The following TSPAN1 variants were observed in gnomAD, a reference collection of about 807,000 sequenced individuals.
TSPAN1 encodes tetraspanin-1.
Under a neutral mutation model 26.9 loss-of-function variants are expected in TSPAN1, and 23 were observed. The ratio of observed to expected loss-of-function variants is 0.85; its 90% confidence interval spans 0.62 to 1.21. TSPAN1 has a LOEUF of 1.21. Ranked by LOEUF, TSPAN1 falls within the 50% of genes most tolerant of loss-of-function variation. TSPAN1 has a pLI of 0.00. For synonymous variants in TSPAN1, 115 were observed against 114.8 expected, an observed-to-expected ratio of 1.00 and a Z score of -0.01; for missense variants, 283 against 298.4, an observed-to-expected ratio of 0.95 and a Z score of 0.38.
In TSPAN1 at chr1:46,184,579, CT is replaced by C; in HGVS notation, c.265-14del. 6.2e-7 allele frequency: 1 copy of C among 1,614,060 alleles called. No individual in the cohort carries two copies. Among genetic ancestry groups the C allele is most frequent in the Non-Finnish European group, 8.5e-7 (1 of 1,179,992 alleles). On this transcript the variant is annotated splice_polypyrimidine_tract_variant and intron_variant, in intron 4 of 8. Transcript: ENST00000372003. The stretch of plus-strand genomic sequence containing the variant: ...CTGTCTCTCCCTAAAACCCAGACCC[CT>C]GTTCCCCACTCAGTTCTTCTTCATC...
At chr1:46,181,362 C>T (rs542318726) in intron 3 of TSPAN1, among the ~76,000 whole-genome samples, 198 bp downstream of exon 3, 81 of 152,208 alleles carry the variant, frequency 5.3e-4, no homozygotes, top group African/African-American at 1.6e-3. Flanking sequence ...CATACAGGTG[C>T]GTGTGTGAAA....
intron 1 of TSPAN1, among the ~76,000 whole-genome samples, chr1:46,175,999 A>G (rs1245197470): frequency 1.3e-5 from 2 of 152,032 alleles, no homozygotes; most frequent in East Asian, 3.9e-4. Context: ...CAGCCTCCCA[A>G]GTAGCTGGGA....
At chr1:46,190,573 G>A, downstream of TSPAN1, 2 of 1,541,770 alleles carry the variant, frequency 1.3e-6, no homozygotes, top group South Asian at 1.1e-5. Context: ...GGTCCCATGG[G>A]TAGCACTGAG....
intron 1 of TSPAN1, among the ~76,000 whole-genome samples, chr1:46,179,232 G>C (rs1260593940): frequency 6.6e-6 from 1 of 151,148 alleles, no homozygotes; most frequent in East Asian, 1.9e-4. Flanking sequence ...AGGATCATTT[G>C]AGCTCAGGAG....
intron 1 of TSPAN1, among the ~76,000 whole-genome samples, chr1:46,179,091 C>A (rs1468309071): frequency 6.6e-6 from 1 of 151,880 alleles, no homozygotes; most frequent in East Asian, 1.9e-4. Flanking sequence ...CTTTGGGAGG[C>A]TGAGGCAGAG....
chr1:46,192,595 G>C, the TSPAN1 span: 1 of 1,613,918 alleles, frequency 6.2e-7, no homozygotes. Context: ...AGGAAACTGA[G>C]AGAGGCAGGG....
At position 46,175,586 on chromosome 1, in the gene TSPAN1, C is replaced by G. The variant is rs1208746506; in HGVS notation, c.-142+177C>G. On this transcript the variant is annotated intron_variant, in intron 1 of 8. Coordinates refer to ENST00000372003, the MANE Select transcript of TSPAN1 (RefSeq NM_005727.4). Reference sequence around the variant, plus strand: ...CTTCTGGGCTAGCTTCTGGGCACTTCTAGAGGATCAGAAAAATCCCAGGTT... The same window carrying G: ...CTTCTGGGCTAGCTTCTGGGCACTTGTAGAGGATCAGAAAAATCCCAGGTT... 5 of 399,130 alleles carry G rather than the reference C, an allele frequency of 1.3e-5. No individual in the cohort carries two copies. The East Asian group carries it at 1.8e-4, about 14-fold the overall frequency. The allele number at this position is 399,130 out of a possible 1,614,324, so 24.7% of individuals were successfully genotyped here.
chr1:46,178,730 G>C (rs191368499), intron 1 of TSPAN1, among the ~76,000 whole-genome samples: 18 of 152,234 alleles, frequency 1.2e-4, no homozygotes, highest in African/African-American at 3.6e-4. Flanking sequence ...CAGTCTGCTT[G>C]GTGGTTAAGA....
chr1:46,184,236 G>A lies in TSPAN1; in HGVS notation c.103G>A (p.Asp35Asn), dbSNP rs779001991. Residue 35 changes from aspartate (D) to asparagine (N), a missense_variant, in exon 4 of 9, where the codon GAT becomes AAT. Coordinates refer to ENST00000372003, the MANE Select transcript of TSPAN1 (RefSeq NM_005727.4). The stretch of plus-strand genomic sequence containing the variant: ...GGCAGTGGGCATCTGGGTGTCAATC[G>A]ATGGGGCATCCTTTCTGAAGATCTT... ...LLAVGIWVSI[D>N]GASFLKIFGP... 16 of 1,614,058 alleles carry A rather than the reference G, an allele frequency of 9.9e-6. No individual in the cohort carries two copies. Among genetic ancestry groups the A allele is most frequent in the Non-Finnish European group, 1.2e-5 (14 of 1,180,050 alleles).
chr1:46,184,680 G>C lies in TSPAN1; in HGVS notation c.339+12G>C, dbSNP rs761539230. The C allele has an allele frequency of 2.5e-6, 4 of 1,614,048 alleles. No homozygotes were observed. In the South Asian group the frequency reaches 4.4e-5, roughly 18 times the overall value. On this transcript the variant is annotated intron_variant, in intron 5 of 8. Coordinates refer to ENST00000372003, the MANE Select transcript of TSPAN1 (RefSeq NM_005727.4). ...TGTACACCACAATGGTGAGACACTGGGATGGAGGAAGGGAAGAAGATTGGG... is the reference window on the plus strand; with the variant it reads ...TGTACACCACAATGGTGAGACACTGCGATGGAGGAAGGGAAGAAGATTGGG...
At chr1:46,188,605 ACCAT>A, downstream of TSPAN1, 1 of 1,484,268 alleles carries the variant, frequency 6.7e-7, no homozygotes, top group South Asian at 1.4e-5. Flanking sequence ...AGGAAAACTC[ACCAT>A]CCAACACAAG....
chr1:46,182,641 C>T (rs534399433), intron 3 of TSPAN1, among the ~76,000 whole-genome samples: 5 of 152,060 alleles, frequency 3.3e-5, no homozygotes, highest in African/African-American at 9.7e-5. Context: ...ACCCAGGAGG[C>T]GGAGGTTGCA....
At chr1:46,195,816 C>T in the TSPAN1 span, 2 of 1,592,174 alleles carry the variant, frequency 1.3e-6, no homozygotes, top group Non-Finnish European at 1.7e-6. Flanking sequence ...CTGACCTTGA[C>T]AGTGCAGATG....
chr1:46,189,707 T>C, downstream of TSPAN1: 1 of 1,549,782 alleles, frequency 6.5e-7, no homozygotes. Context: ...GAATATGAAT[T>C]TGGACAAGGA....
chr1:46,177,350 TA>T (rs1557663280), intron 1 of TSPAN1, among the ~76,000 whole-genome samples: 1 of 90,012 alleles, frequency 1.1e-5, no homozygotes, highest in East Asian at 6.2e-4. Flanking sequence ...AAAAAAAAAA[TA>T]TATCTATCTA....
At position 46,175,381 on chromosome 1, in the gene TSPAN1, C is replaced by T. The variant is rs1657104723; in HGVS notation, c.-170C>T. 2.6e-6 allele frequency: 1 copy of T among 386,648 alleles called. No homozygotes were observed. Among genetic ancestry groups the T allele is most frequent in the African/African-American group, 2.1e-5 (1 of 48,330 alleles). The allele number at this position is 386,648 out of a possible 1,614,324, so 24.0% of individuals were successfully genotyped here. ...TCCTCCTGCTGTCTTAAACTATGAT[C>T]CCTGCTGCGGTCACTGAAGCCTTTC... On this transcript the variant is annotated 5_prime_UTR_variant, in exon 1 of 9. Transcript: ENST00000372003.
downstream of TSPAN1, among the ~76,000 whole-genome samples, chr1:46,186,636 C>A (rs182377496): frequency 8.7e-3 from 1,305 of 149,210 alleles, 8 homozygotes; most frequent in Non-Finnish European, 0.014. Context: ...ATTACAGGCA[C>A]CTGCCACCAT....
At chr1:46,187,804 C>T (rs1557667109), downstream of TSPAN1, among the ~76,000 whole-genome samples, 1 of 152,142 alleles carries the variant, frequency 6.6e-6, no homozygotes, top group South Asian at 2.1e-4. Flanking sequence ...GTCAGGGTGG[C>T]GAGATATGTC....
chr1:46,193,462 C>A, the TSPAN1 span: 86 of 1,608,190 alleles, frequency 5.3e-5, no homozygotes, highest in Non-Finnish European at 3.3e-5. Flanking sequence ...AAGGCCTTCA[C>A]ATTTCACAGC....
Sources: gnomAD v4.1 joint callset for allele counts (sites outside exome capture counted in the v4.1 genomes callset) on GRCh38, gnomAD v4.1.1 for gene constraint, MANE v1.5 for transcripts, NCBI Gene and HGNC (gene_info 2026-07-23, HGNC 2026-07-21) for gene names.